The following RBFOX3 variants were observed in gnomAD, a reference collection of about 807,000 sequenced individuals.
RBFOX3 encodes the protein RNA binding protein fox-1 homolog 3.
A neutral mutation model predicts 48.7 loss-of-function variants in RBFOX3; 17 were observed. The ratio of observed to expected loss-of-function variants is 0.35; its 90% CI spans 0.24 to 0.52. The LOEUF is 0.52. Ranked by LOEUF, RBFOX3 falls within the 20% of genes least tolerant of loss-of-function variation. The pLI, the probability that RBFOX3 is intolerant of heterozygous loss-of-function variation, is 0.94. For missense variants in RBFOX3, 382 were observed against 497.5 expected (o/e 0.77, Z 2.21); for synonymous variants, 212 against 209.5 (o/e 1.01, Z -0.10).
chr17:79,123,153 CAG>C (rs766641611), intron 4 of RBFOX3, among the ~76,000 whole-genome samples: 10 of 152,070 alleles, frequency 6.6e-5, no homozygotes, highest in Non-Finnish European at 8.8e-5. Context: ...GATGGTATAA[CAG>C]GGTGACTATA....
chr17:79,553,310 A>G (rs1455310863), intron 1 of RBFOX3, among the ~76,000 whole-genome samples: 2 of 152,228 alleles, frequency 1.3e-5, no homozygotes, highest in African/African-American at 4.8e-5. Flanking sequence ...TTGCATTGCT[A>G]GAATAAACTC....
At chr17:79,488,505 G>C (rs1282224277) in intron 1 of RBFOX3, among the ~76,000 whole-genome samples, 1 of 152,224 alleles carries the variant, frequency 6.6e-6, no homozygotes, top group Non-Finnish European at 1.5e-5. Flanking sequence ...GCAACAGCCT[G>C]ATTGGCATGC....
chr17:79,637,918 C>T, the RBFOX3 span, among the ~76,000 whole-genome samples: 1 of 151,958 alleles, frequency 6.6e-6, no homozygotes, highest in African/African-American at 2.4e-5. Flanking sequence ...TGAGAAGAAA[C>T]TAGAAATCAA....
At chr17:79,139,371 A>G (rs1336873579) in intron 4 of RBFOX3, among the ~76,000 whole-genome samples, 1 of 152,216 alleles carries the variant, frequency 6.6e-6, no homozygotes, top group Non-Finnish European at 1.5e-5. Context: ...CCTGTCATCC[A>G]GATGACCTGC....
intron 3 of RBFOX3, among the ~76,000 whole-genome samples, chr17:79,289,499 C>A (rs73411822): frequency 0.051 from 7,718 of 152,308 alleles, 661 homozygotes; most frequent in African/African-American, 0.18. Flanking sequence ...CTGAGGTCCC[C>A]AGAAATTATC....
the RBFOX3 span, among the ~76,000 whole-genome samples, chr17:79,661,299 T>A: frequency 2.3e-3 from 357 of 152,178 alleles, no homozygotes; most frequent in South Asian, 6.4e-3. Flanking sequence ...AGATTTTTTT[T>A]AAAAAAGGTT....
chr17:79,277,822 C>T (rs919558992), intron 3 of RBFOX3, among the ~76,000 whole-genome samples: 1 of 152,238 alleles, frequency 6.6e-6, no homozygotes, highest in Non-Finnish European at 1.5e-5. Flanking sequence ...TGTGCAAACA[C>T]AGAGCCTGGG....
chr17:79,642,044 G>T, the RBFOX3 span, among the ~76,000 whole-genome samples: 1 of 152,028 alleles, frequency 6.6e-6, no homozygotes, highest in East Asian at 1.9e-4. Context: ...CCAGTCTCAG[G>T]AATTTCTTTA....
At chr17:79,468,731 A>T (rs1172773438) in intron 2 of RBFOX3, among the ~76,000 whole-genome samples, 1 of 145,552 alleles carries the variant, frequency 6.9e-6, no homozygotes, top group African/African-American at 2.6e-5. Flanking sequence ...GATAGATAGC[A>T]GATAGGCAGG....
chr17:79,152,602 A>G (rs1034760277), intron 4 of RBFOX3, among the ~76,000 whole-genome samples: 3 of 152,196 alleles, frequency 2.0e-5, no homozygotes, highest in African/African-American at 7.2e-5. Flanking sequence ...ACAGGCGAGC[A>G]GAGACTCTGG....
At chr17:79,129,370 G>GAGTTCATTCTAACCTAGTGACCAAC (rs1555701297) in intron 4 of RBFOX3, among the ~76,000 whole-genome samples, 8 of 146,178 alleles carry the variant, frequency 5.5e-5, no homozygotes, top group Admixed American at 2.7e-4. Flanking sequence ...GGAACCACCT[G>GAGTTCATTCTAACCTAGTGACCAAC]CTGCTACCTG....
At chr17:79,536,024 G>T (rs1234820845) in intron 1 of RBFOX3, among the ~76,000 whole-genome samples, 1 of 152,110 alleles carries the variant, frequency 6.6e-6, no homozygotes, top group Non-Finnish European at 1.5e-5. Flanking sequence ...TTCATTCCTG[G>T]CTAGATTTAA....
rs2031780614 is a variant in RBFOX3 at position 79,111,952 on chromosome 17, C to A, written c.222+3542G>T. Among the ~76,000 whole-genome samples, 2 of 152,230 alleles carry A rather than the reference C, an allele frequency of 1.3e-5. No individual in the cohort carries two copies. Among genetic ancestry groups the A allele is most frequent in the African/African-American group, 4.8e-5 (2 of 41,468 alleles). On this transcript the variant is annotated intron_variant, in intron 5 of 14. Coordinates refer to ENST00000693108, the MANE Select transcript of RBFOX3 (RefSeq NM_001350451.2). The surrounding 1 kb of genome is among the most constrained non-coding windows in gnomAD (Gnocchi z 4.2). ...CTTTGCTGCTTTTGTCCAGAGAAGG[C>A]AGGTGATGTCGTGGTGAGCGGTGAG...
intron 2 of RBFOX3, among the ~76,000 whole-genome samples, chr17:79,375,358 G>GACACCCACAC (rs1555695133): frequency 7.3e-6 from 1 of 136,186 alleles, no homozygotes; most frequent in Non-Finnish European, 1.6e-5. Context: ...GAAGACAGAA[G>GACACCCACAC]ACACACACAC....
At chr17:79,187,813 G>C (rs1421554663) in intron 4 of RBFOX3, among the ~76,000 whole-genome samples, 1 of 152,136 alleles carries the variant, frequency 6.6e-6, no homozygotes, top group Non-Finnish European at 1.5e-5. Flanking sequence ...AGACACCACG[G>C]GGCAAGGTCA....
chr17:79,335,112 G>T (rs985081831), intron 2 of RBFOX3, among the ~76,000 whole-genome samples: 1 of 152,192 alleles, frequency 6.6e-6, no homozygotes, highest in Non-Finnish European at 1.5e-5. Flanking sequence ...TTCATTAGAG[G>T]GGCGTATGTG....
intron 4 of RBFOX3, among the ~76,000 whole-genome samples, chr17:79,181,355 C>A (rs1487465338): frequency 2.0e-5 from 3 of 152,254 alleles, no homozygotes; most frequent in Admixed American, 6.5e-5. Context: ...CCTGACCTGG[C>A]CACCCCAGAG....
At chr17:79,161,233 AGAGT>A (rs1218639736) in intron 4 of RBFOX3, among the ~76,000 whole-genome samples, 1 of 152,164 alleles carries the variant, frequency 6.6e-6, no homozygotes, top group Non-Finnish European at 1.5e-5. Context: ...AGGATGCACA[AGAGT>A]GAGTGAGCCA....
intron 2 of RBFOX3, among the ~76,000 whole-genome samples, chr17:79,336,874 C>T (rs2081275472): frequency 6.6e-6 from 1 of 152,126 alleles, no homozygotes. Context: ...AATCCCAGCA[C>T]TTCGGGAGGC....
Sources: gnomAD v4.1 joint callset for allele counts (sites outside exome capture counted in the v4.1 genomes callset) on GRCh38, gnomAD v4.1.1 for gene constraint, Gnocchi (gnomAD v3.1) non-coding constraint, MANE v1.5 for transcripts, NCBI Gene and HGNC (gene_info 2026-07-23, HGNC 2026-07-21) for gene names.